Variants in ZNRF3 observed in about 807,000 individuals in gnomAD.
ZNRF3 encodes E3 ubiquitin-protein ligase ZNRF3.
ZNRF3 carries 23 observed loss-of-function variants against 72.5 expected under a neutral mutation model. The ratio of observed to expected loss-of-function variants is 0.32; its 90% CI spans 0.23 to 0.45. ZNRF3 has a LOEUF of 0.45. Among genes scored for constraint, ZNRF3 ranks in the 20% least tolerant of loss-of-function variants. The pLI, the probability that ZNRF3 is intolerant of heterozygous loss-of-function variation, is 1.00. For synonymous variants in ZNRF3, 610 were observed against 545.3 expected (o/e 1.12, Z -1.65); for missense variants, 1,169 against 1,272.1 (o/e 0.92, Z 1.23).
At chr22:28,939,510 G>C (rs132558) in intron 1 of ZNRF3, among the ~76,000 whole-genome samples, 151,328 of 152,270 alleles carry the variant, frequency 0.99, 75,197 homozygotes, top group East Asian at 1. Context: ...AGGACAGAAC[G>C]AAATCCCCCG....
At chr22:29,039,595 T>C (rs1398424896) in intron 2 of ZNRF3, among the ~76,000 whole-genome samples, 2 of 151,910 alleles carry the variant, frequency 1.3e-5, no homozygotes, top group African/African-American at 2.4e-5. Flanking sequence ...CTTACAATTA[T>C]ATTAACTCTG....
intron 1 of ZNRF3, among the ~76,000 whole-genome samples, chr22:28,964,104 AATGAGTAGCTGTCAG>A (rs1424185751): frequency 1.3e-5 from 2 of 152,026 alleles, no homozygotes; most frequent in Admixed American, 1.3e-4. Context: ...CAGTTTTTAG[AATGAGTAGCTGTCAG>A]ATGGATGGAC....
intron 1 of ZNRF3, among the ~76,000 whole-genome samples, chr22:28,969,178 C>G (rs1188304777): frequency 6.6e-6 from 1 of 152,198 alleles, no homozygotes. Context: ...TCCCATCCCG[C>G]CCCACTTGGG....
chr22:28,914,745 C>T (rs1407980671), intron 1 of ZNRF3, among the ~76,000 whole-genome samples: 4 of 146,730 alleles, frequency 2.7e-5, no homozygotes, highest in Non-Finnish European at 4.5e-5. Context: ...ACCTGGGAGG[C>T]GGAGGTTGCA....
At chr22:28,974,180 C>T (rs2035628577) in intron 1 of ZNRF3, among the ~76,000 whole-genome samples, 1 of 152,102 alleles carries the variant, frequency 6.6e-6, no homozygotes, top group Non-Finnish European at 1.5e-5. Flanking sequence ...CCAGGATGGT[C>T]TCGATCTCCT....
At chr22:28,924,487 C>T (rs923450708) in intron 1 of ZNRF3, among the ~76,000 whole-genome samples, 3 of 152,074 alleles carry the variant, frequency 2.0e-5, no homozygotes, top group Non-Finnish European at 2.9e-5. Context: ...TGGTGGCTCA[C>T]GCCTGTCATC....
intron 2 of ZNRF3, chr22:29,024,984 T>TTTC (rs2036602716): frequency 6.8e-6 from 1 of 146,898 alleles, no homozygotes; most frequent in Non-Finnish European, 1.5e-5. Context: ...TACTTTTTTT[T>TTTC]TTTTTTTTTT....
chr22:28,920,607 A>G (rs11913805), intron 1 of ZNRF3, among the ~76,000 whole-genome samples: 4,721 of 152,296 alleles, frequency 0.031, 264 homozygotes, highest in African/African-American at 0.11. Context: ...TTCAATACAC[A>G]TGAGTGCGTT....
intron 1 of ZNRF3, among the ~76,000 whole-genome samples, chr22:28,964,793 C>T (rs568558105): frequency 2.0e-5 from 3 of 152,262 alleles, no homozygotes; most frequent in Admixed American, 6.5e-5. Context: ...GCTCACGCTG[C>T]GGTCATCTGG....
chr22:28,954,770 A>G (rs1601598459), intron 1 of ZNRF3, among the ~76,000 whole-genome samples: 1 of 151,008 alleles, frequency 6.6e-6, no homozygotes. Context: ...GTGTGCCACC[A>G]TGCCCAACTA....
chr22:28,945,744 G>A (rs1283189343), intron 1 of ZNRF3, among the ~76,000 whole-genome samples: 2 of 151,936 alleles, frequency 1.3e-5, no homozygotes, highest in Non-Finnish European at 2.9e-5. Context: ...TGGCCAGGAT[G>A]GTCTCGATCT....
chr22:28,985,736 C>T (rs564863747), intron 1 of ZNRF3, among the ~76,000 whole-genome samples: 1 of 152,324 alleles, frequency 6.6e-6, no homozygotes, highest in East Asian at 1.9e-4. Flanking sequence ...CTGTTCTCAT[C>T]TGTAAAACAA....
intron 1 of ZNRF3, among the ~76,000 whole-genome samples, chr22:28,978,278 C>T (rs1260443960): frequency 6.6e-6 from 1 of 152,116 alleles, no homozygotes; most frequent in Non-Finnish European, 1.5e-5. Context: ...GAACAATCAC[C>T]CTGGTTATTG....
chr22:28,919,688 G>A (rs980359681), intron 1 of ZNRF3, among the ~76,000 whole-genome samples: 2 of 151,256 alleles, frequency 1.3e-5, no homozygotes, highest in African/African-American at 4.9e-5. Context: ...TGTATTTTTA[G>A]TAGAGGTGGG....
chr22:28,975,996 C>T (rs992099587), intron 1 of ZNRF3, among the ~76,000 whole-genome samples: 2 of 152,142 alleles, frequency 1.3e-5, no homozygotes, highest in African/African-American at 4.8e-5. Flanking sequence ...AAATTAGTTG[C>T]ATATATCCCT....
chr22:28,948,881 A>T (rs558984123), intron 1 of ZNRF3, among the ~76,000 whole-genome samples: 4 of 152,338 alleles, frequency 2.6e-5, no homozygotes, highest in Admixed American at 1.3e-4. Flanking sequence ...TTATCATCTC[A>T]TGCATTGGTC....
chr22:28,945,498 C>T (rs370344400), intron 1 of ZNRF3, among the ~76,000 whole-genome samples: 191 of 151,356 alleles, frequency 1.3e-3, no homozygotes, highest in African/African-American at 4.3e-3. Flanking sequence ...TCAAGACCAG[C>T]CTGGGCAACA....
chr22:29,021,589 G>A (rs534072505), intron 2 of ZNRF3, among the ~76,000 whole-genome samples: 4 of 151,662 alleles, frequency 2.6e-5, no homozygotes, highest in African/African-American at 9.7e-5. Context: ...CCAGGTTCTA[G>A]AGATTCTTCT....
At position 28,987,150 on chromosome 22, in the gene ZNRF3, G is replaced by C; in HGVS notation, c.375G>C (p.Lys125Asn). 1 of 1,613,982 alleles carries C rather than the reference G, an allele frequency of 6.2e-7. No homozygotes were observed. The highest frequency in any genetic ancestry group is 8.5e-7 in the Non-Finnish European group (1 of 1,179,940). ...LYEYGWVGVVKLEQPELDPKP... is the reference protein window; with the variant it reads ...LYEYGWVGVVNLEQPELDPKP... Reference sequence around the variant, plus strand: ...AATATGGCTGGGTAGGAGTGGTGAAGCTGGAACAGCCAGAATTGGACCCGA... The same window carrying C: ...AATATGGCTGGGTAGGAGTGGTGAACCTGGAACAGCCAGAATTGGACCCGA... The change falls in exon 2 of 9, where the codon AAG becomes AAC. Residue 125 changes from lysine to asparagine, a missense_variant. Physicochemically the swap from Lys to Asn is moderately conservative, Grantham distance 94. Around this residue, in one of 2 missense-constraint regions of ZNRF3, gnomAD observed 386 missense variants for 540.7 expected, o/e 0.71. Coordinates refer to ENST00000544604, the MANE Select transcript of ZNRF3 (RefSeq NM_001206998.2).
Sources: gnomAD v4.1 joint callset for allele counts (sites outside exome capture counted in the v4.1 genomes callset) on GRCh38, gnomAD v4.1.1 for gene constraint, gnomAD v4.1.1 regional missense constraint, MANE v1.5 for transcripts, NCBI Gene and HGNC (gene_info 2026-07-23, HGNC 2026-07-21) for gene names.